The following ECT2L variants were observed in gnomAD, a reference collection of about 807,000 sequenced individuals.
ECT2L encodes the protein epithelial cell transforming 2 like.
ECT2L carries 126 observed loss-of-function variants against 122.8 expected under a neutral mutation model. The observed-to-expected ratio is 1.03, with a 90% CI of 0.89 to 1.19. The LOEUF (loss-of-function observed/expected upper bound fraction) is 1.19, where lower values mean the gene tolerates loss of function less well. Among genes scored for constraint, ECT2L ranks in the 50% most tolerant of loss-of-function variants. The pLI, the probability that ECT2L is intolerant of heterozygous loss-of-function variation, is 0.00. For missense variants in ECT2L, 1,012 were observed against 1,064.1 expected (o/e 0.95, Z 0.68); for synonymous variants, 385 against 381.8 (o/e 1.01, Z -0.10).
intron 15 of ECT2L, among the ~76,000 whole-genome samples, chr6:138,881,817 T>C (rs898257474): frequency 6.6e-6 from 1 of 152,084 alleles, no homozygotes; most frequent in Non-Finnish European, 1.5e-5. Flanking sequence ...GGAGCGGTTG[T>C]AAATATCAGT....
intron 4 of ECT2L, among the ~76,000 whole-genome samples, chr6:138,820,078 T>C (rs1186730540): frequency 1.3e-5 from 2 of 152,156 alleles, no homozygotes; most frequent in Non-Finnish European, 2.9e-5. Context: ...CACATTCCTC[T>C]CCTTCTTCCT....
rs138834803 is a variant in ECT2L at position 138,838,698 on chromosome 6, T to C, written c.342+184T>C. ...ATAATGTATTTCTATAAATAAGGAA[T>C]ATAGACTAGTCCAATAATTCCTGTT... On this transcript the variant is annotated intron_variant, in intron 5 of 21. Coordinates refer to ENST00000541398, the MANE Select transcript of ECT2L (RefSeq NM_001077706.3). Among the ~76,000 whole-genome samples the C allele has an allele frequency of 9.5e-4, 144 of 152,342 alleles. 1 individual carries two copies. In the East Asian group the frequency reaches 0.02, roughly 21 times the overall value.
At chr6:138,832,720 C>T (rs780637192) in intron 4 of ECT2L, among the ~76,000 whole-genome samples, 2 of 152,020 alleles carry the variant, frequency 1.3e-5, no homozygotes, top group Non-Finnish European at 2.9e-5. Context: ...TCAATTTCAG[C>T]TCCCATTTAG....
intron 10 of ECT2L, among the ~76,000 whole-genome samples, chr6:138,859,371 T>C (rs10872498): frequency 0.29 from 43,471 of 152,180 alleles, 6,914 homozygotes; most frequent in Admixed American, 0.38. Context: ...TATGAACTTA[T>C]GCTTTCATTT....
At chr6:138,801,471 G>A (rs932942680) in intron 1 of ECT2L, among the ~76,000 whole-genome samples, 4 of 152,126 alleles carry the variant, frequency 2.6e-5, no homozygotes, top group Non-Finnish European at 4.4e-5. Context: ...AACCACAGAG[G>A]CCAGGTGCGG....
chr6:138,892,861 T>C (rs1779078799), intron 20 of ECT2L, among the ~76,000 whole-genome samples: 1 of 152,166 alleles, frequency 6.6e-6, no homozygotes, highest in African/African-American at 2.4e-5. Context: ...AAACAGGTCT[T>C]CAGTGTGAAG....
intron 13 of ECT2L, 63 bp downstream of exon 13, chr6:138,868,269 GTTA>G: frequency 6.9e-7 from 1 of 1,453,542 alleles, no homozygotes; most frequent in South Asian, 1.2e-5. Flanking sequence ...TCTGTTTGCA[GTTA>G]TTATTAATTT....
chr6:138,824,656 G>T (rs1776381093), intron 4 of ECT2L, among the ~76,000 whole-genome samples: 1 of 151,758 alleles, frequency 6.6e-6, no homozygotes, highest in African/African-American at 2.4e-5. Context: ...TTCAGCAAAG[G>T]TTATGAGACG....
intron 13 of ECT2L, among the ~76,000 whole-genome samples, chr6:138,872,772 A>G (rs1778301280): frequency 6.6e-6 from 1 of 152,172 alleles, no homozygotes; most frequent in Non-Finnish European, 1.5e-5. Context: ...ACTCCCTGGA[A>G]TCCTTATTGG....
intron 4 of ECT2L, among the ~76,000 whole-genome samples, chr6:138,833,236 C>A (rs1193899460): frequency 6.6e-6 from 1 of 152,140 alleles, no homozygotes; most frequent in Admixed American, 6.6e-5. Context: ...CACATAGATT[C>A]CCCTTTCAGC....
intron 12 of ECT2L, among the ~76,000 whole-genome samples, chr6:138,867,009 G>T (rs1258736300): frequency 2.0e-5 from 3 of 152,102 alleles, no homozygotes; most frequent in Non-Finnish European, 4.4e-5. Flanking sequence ...GGGAGGCAGA[G>T]GTTTCAGTGA....
chr6:138,902,165 CT>C (rs1779417976), intron 21 of ECT2L, among the ~76,000 whole-genome samples: 1 of 152,192 alleles, frequency 6.6e-6, no homozygotes, highest in Non-Finnish European at 1.5e-5. Context: ...AGGTCTAGCT[CT>C]TAGCATCTTT....
Position 138,852,345 on chromosome 6 carries a change from C to T in ECT2L, c.1070-1681C>T, listed in dbSNP as rs559382531. ...CAACGGTTACTTTTTTTTTTTTTTC[C>T]GGGAGAAAGAGATGATGAATGTTTT... On this transcript the variant is annotated intron_variant, in intron 9 of 21. Transcript: ENST00000541398. Among the ~76,000 whole-genome samples, 13 of 149,754 alleles carry T rather than the reference C, an allele frequency of 8.7e-5. No individual in the cohort carries two copies. In the East Asian group the frequency reaches 1.6e-3, roughly 18 times the overall value.
At position 138,823,087 on chromosome 6, in the gene ECT2L, T is replaced by C. The variant is rs550589561; in HGVS notation, c.179+8484T>C. The stretch of plus-strand genomic sequence containing the variant: ...GTTTTAGGGAAAATAATGTGCAAAA[T>C]AACTTCAGCCTTGTACACACTAAAC... On this transcript the variant is annotated intron_variant, in intron 4 of 21. Coordinates refer to ENST00000541398, the MANE Select transcript of ECT2L (RefSeq NM_001077706.3). 4 of 1,574,200 alleles carry C rather than the reference T, an allele frequency of 2.5e-6. No individual in the cohort carries two copies. The African/African-American group carries it at 5.6e-5, about 22-fold the overall frequency.
intron 13 of ECT2L, among the ~76,000 whole-genome samples, chr6:138,868,926 G>A (rs574926231): frequency 1.3e-5 from 2 of 152,316 alleles, no homozygotes; most frequent in East Asian, 3.9e-4. Flanking sequence ...CAGCACTTTG[G>A]GAGGCCGAGG....
chr6:138,896,183 G>C (rs948726643), intron 20 of ECT2L, among the ~76,000 whole-genome samples: 2 of 149,172 alleles, frequency 1.3e-5, no homozygotes, highest in African/African-American at 5.0e-5. Flanking sequence ...CTCCCAACTC[G>C]GCCTCCCAAA....
intron 8 of ECT2L, among the ~76,000 whole-genome samples, chr6:138,848,466 T>C (rs1266247838): frequency 6.6e-6 from 1 of 152,230 alleles, no homozygotes; most frequent in East Asian, 1.9e-4. Context: ...TGTATCTATA[T>C]ATGTGAGTGT....
At chr6:138,872,386 G>T (rs1267723199) in intron 13 of ECT2L, among the ~76,000 whole-genome samples, 8 of 152,186 alleles carry the variant, frequency 5.3e-5, no homozygotes, top group African/African-American at 1.9e-4. Flanking sequence ...CCTTTGTGGA[G>T]GATGAGGCTG....
chr6:138,861,192 T>C (rs758244428), intron 10 of ECT2L, among the ~76,000 whole-genome samples: 3 of 152,216 alleles, frequency 2.0e-5, no homozygotes, highest in African/African-American at 7.2e-5. Context: ...TAAACATACA[T>C]GTTCATGTGT....
Sources: gnomAD v4.1 joint callset for allele counts (sites outside exome capture counted in the v4.1 genomes callset) on GRCh38, gnomAD v4.1.1 for gene constraint, MANE v1.5 for transcripts, NCBI Gene and HGNC (gene_info 2026-07-23, HGNC 2026-07-21) for gene names.